Variants in NOP14 observed in about 807,000 individuals in gnomAD.
NOP14 encodes NOP14 nucleolar protein, also known as nucleolar protein 14.
A neutral mutation model predicts 101.6 loss-of-function variants in NOP14; 57 were observed. The ratio of observed to expected loss-of-function variants is 0.56; its 90% CI spans 0.45 to 0.70. NOP14 has a LOEUF of 0.70. Ranked by LOEUF, NOP14 falls within the 30% of genes least tolerant of loss-of-function variation. NOP14 has a pLI of 0.00. For synonymous variants in NOP14, 428 were observed against 424.0 expected (o/e 1.01, Z -0.12); for missense variants, 1,134 against 1,075.5 (o/e 1.05, Z -0.76).
chr4:2,941,356 A>G (rs1002192918), intron 15 of NOP14: 7 of 543,632 alleles, frequency 1.3e-5, no homozygotes, highest in African/African-American at 7.7e-5. Context: ...ACAAGGCGAC[A>G]GTTCCCAGCT....
chr4:2,943,964 G>T (rs946355313), intron 13 of NOP14, 109 bp downstream of exon 13: 1 of 872,534 alleles, frequency 1.1e-6, no homozygotes, highest in East Asian at 2.6e-5. Context: ...GGCAGGTTGT[G>T]TGTTTCCTCT....
At chr4:2,941,305 GGCGCTGGT>G in intron 15 of NOP14, 1 of 429,714 alleles carries the variant, frequency 2.3e-6, no homozygotes, top group African/African-American at 2.0e-5. Context: ...CTGACCCCTG[GGCGCTGGT>G]GCACCCTCCG....
chr4:2,948,156 A>G, intron 9 of NOP14, 122 bp downstream of exon 9: 1 of 1,229,300 alleles, frequency 8.1e-7, no homozygotes, highest in Non-Finnish European at 1.1e-6. Context: ...TAACCATGTG[A>G]CGGGCTGGCC....
rs142604175 is a variant in NOP14 at position 2,945,111 on chromosome 4, A to G, written c.1737+17T>C. 12,456 of 1,555,866 alleles carry G rather than the reference A, an allele frequency of 8.0e-3. 61 individuals are homozygous for G. Among genetic ancestry groups the G allele is most frequent in the Non-Finnish European group, 9.5e-3 (10,825 of 1,145,380 alleles). On this transcript the variant is annotated intron_variant, in intron 12 of 17. Transcript: ENST00000416614. ...GGTGCAGCAGGCCGACCCCTGCCGC[A>G]TGTGGAGAGAACGCACCTTGGTGAG...
At chr4:2,950,276 C>G in intron 7 of NOP14, 63 bp from the exon 8 acceptor site, 4 of 1,556,838 alleles carry the variant, frequency 2.6e-6, no homozygotes, top group South Asian at 1.1e-5. Flanking sequence ...GACCATCTCA[C>G]AGCCACATCA....
chr4:2,939,933 T>C (rs1017971962), intron 15 of NOP14, among the ~76,000 whole-genome samples: 1 of 151,910 alleles, frequency 6.6e-6, no homozygotes, highest in Non-Finnish European at 1.5e-5. Context: ...ACTTGGGGAG[T>C]TGGAGGTCAC....
intron 16 of NOP14, 82 bp downstream of exon 16, chr4:2,939,445 C>T: frequency 2.5e-6 from 4 of 1,596,872 alleles, no homozygotes; most frequent in Non-Finnish European, 3.4e-6. Flanking sequence ...ATCTGCTCAA[C>T]TGCAGAACTG....
At chr4:2,957,264 T>C (rs1029910895) in intron 2 of NOP14, among the ~76,000 whole-genome samples, 2 of 152,036 alleles carry the variant, frequency 1.3e-5, no homozygotes, top group Non-Finnish European at 2.9e-5. Context: ...CCTCCCAAAG[T>C]GCTGGGATTA....
chr4:2,950,524 G>A (rs1038387913), intron 7 of NOP14: 1 of 420,620 alleles, frequency 2.4e-6, no homozygotes, highest in Non-Finnish European at 4.3e-6. Flanking sequence ...GCTTTAGCAG[G>A]AGGAGTGTCT....
Position 2,937,995 on chromosome 4 carries a change from A to G in NOP14, c.*836T>C, listed in dbSNP as rs1175106071. On this transcript the variant is annotated 3_prime_UTR_variant, in exon 18 of 18. Transcript: ENST00000416614. ...AACAGTAAATTCTACACATGAAGGC[A>G]AACGTCCGTGGTTGACAGAAATTAC... The G allele has an allele frequency of 4.5e-6, 1 of 220,110 alleles. No individual in the cohort carries two copies. Among genetic ancestry groups the G allele is most frequent in the Non-Finnish European group, 9.3e-6 (1 of 107,318 alleles). 13.6% of individuals were successfully genotyped at this position (220,110 alleles called of 1,614,324 possible). A position where few individuals can be genotyped will look rare whatever the true frequency, so the allele number is the denominator to read the frequency against.
rs1305188342 is a variant in NOP14 at position 2,937,939 on chromosome 4, C to G, written c.*892G>C. 11 of 225,084 alleles carry G rather than the reference C, an allele frequency of 4.9e-5. No individual in the cohort carries two copies. Among genetic ancestry groups the G allele is most frequent in the Non-Finnish European group, 1.8e-5 (2 of 110,894 alleles). 13.9% of individuals were successfully genotyped at this position (225,084 alleles called of 1,614,324 possible). ...TTCTAAAATATCTGCAAACTTGTTT[C>G]ATTTATAATTGAAAATATAATTTGC... On this transcript the variant is annotated 3_prime_UTR_variant, in exon 18 of 18. Transcript: ENST00000416614.
chr4:2,956,639 CA>C (rs1260740756), intron 3 of NOP14, 30 bp downstream of exon 3: 1 of 1,590,926 alleles, frequency 6.3e-7, no homozygotes, highest in Admixed American at 1.9e-5. Flanking sequence ...ACTCCACGCC[CA>C]CAGGCCCGTG....
rs1713792034 is a variant in NOP14, at chr4:2,938,083, T to C, written c.*748A>G. 2.0e-5 allele frequency: 15 copies of C among 741,356 alleles called. No homozygotes were observed. The highest frequency in any genetic ancestry group is 2.7e-5 in the Non-Finnish European group (14 of 521,258). 45.9% of individuals were successfully genotyped at this position (741,356 alleles called of 1,614,324 possible). ...GACGCAGTGAACCAGTCGCAGCTGA[T>C]AACACACAGACCATTCCCGATCCCA... On this transcript the variant is annotated 3_prime_UTR_variant, in exon 18 of 18. Transcript: ENST00000416614.
At position 2,963,241 on chromosome 4, in the gene NOP14, C is replaced by T; in HGVS notation, c.79G>A (p.Ala27Thr). The T allele has an allele frequency of 6.3e-7, 1 of 1,590,520 alleles. No homozygotes were observed. Among genetic ancestry groups the T allele is most frequent in the Non-Finnish European group, 8.5e-7 (1 of 1,170,998 alleles). ...PAGARGGPAK[A>T]NSNPFEVKVN... is the part of the protein sequence containing the mutation. The stretch of plus-strand genomic sequence containing the variant: ...TTCACCTCGAACGGATTGGAGTTGG[C>T]CTTCGCCGGGCCCCCTCGCGCTCCC... The change falls in exon 1 of 18, where the codon GCC (alanine) becomes ACC (threonine). Residue 27 changes from alanine to threonine, a missense_variant. Coordinates refer to ENST00000416614, the MANE Select transcript of NOP14 (RefSeq NM_001291978.2).
At chr4:2,946,684 C>A in intron 10 of NOP14, 137 bp from the exon 11 acceptor site, 1 of 724,932 alleles carries the variant, frequency 1.4e-6, no homozygotes, top group Admixed American at 2.6e-5. Flanking sequence ...TTTCTAACAG[C>A]ATTCTTAAGA....
At chr4:2,960,817 TCACA>T (rs1279786504) in intron 1 of NOP14, among the ~76,000 whole-genome samples, 1 of 98,290 alleles carries the variant, frequency 1.0e-5, no homozygotes, top group African/African-American at 5.0e-5. Context: ...AATATTATAA[TCACA>T]TTATCAATAT....
intron 1 of NOP14, among the ~76,000 whole-genome samples, chr4:2,961,068 TTAATACTATATTAATATTA>T (rs1715809030): frequency 8.6e-6 from 1 of 116,296 alleles, no homozygotes; most frequent in Non-Finnish European, 1.6e-5. Flanking sequence ...CAATATTATA[TTAATACTATATTAATATTA>T]TAATAATATA....
intron 17 of NOP14, 113 bp downstream of exon 17, chr4:2,939,075 C>T (rs920118884): frequency 2.1e-5 from 32 of 1,537,684 alleles, no homozygotes; most frequent in Non-Finnish European, 2.9e-5. Context: ...GGCTCCAACC[C>T]CCAGCCAGAG....
At chr4:2,952,150 T>C (rs930999912) in intron 6 of NOP14, 125 bp downstream of exon 6, 36 of 993,958 alleles carry the variant, frequency 3.6e-5, no homozygotes, top group Non-Finnish European at 4.9e-5. Context: ...ATATAAACTT[T>C]AAATAGACTA....
Sources: allele counts gnomAD v4.1 joint callset (sites outside exome capture counted in the v4.1 genomes callset), GRCh38; gene constraint gnomAD v4.1.1; transcripts MANE v1.5; gene names NCBI Gene and HGNC (gene_info 2026-07-23, HGNC 2026-07-21).